The following ATP6V0D1 variants were observed in gnomAD, a reference collection of about 807,000 sequenced individuals.
ATP6V0D1 encodes the protein ATPase H+ transporting V0 subunit d1.
Under a neutral mutation model 39.0 loss-of-function variants are expected in ATP6V0D1, and 13 were observed. The observed-to-expected ratio is 0.33, with a 90% CI of 0.22 to 0.53. The LOEUF is 0.53. Among genes scored for constraint, ATP6V0D1 ranks in the 20% least tolerant of loss-of-function variants. ATP6V0D1 has a pLI of 0.94. For synonymous variants in ATP6V0D1, 191 were observed against 191.2 expected, an observed-to-expected ratio of 1.00 and a Z score of 0.01; for missense variants, 272 against 470.9, an observed-to-expected ratio of 0.58 and a Z score of 3.91.
chr16:67,461,646 A>G (rs2041290094), intron 1 of ATP6V0D1, among the ~76,000 whole-genome samples: 1 of 152,216 alleles, frequency 6.6e-6, no homozygotes. Context: ...AAAGACAGTA[A>G]GTTCTCCTTC....
At chr16:67,479,117 G>A (rs2041441211) in intron 1 of ATP6V0D1, among the ~76,000 whole-genome samples, 1 of 151,962 alleles carries the variant, frequency 6.6e-6, no homozygotes, top group Admixed American at 6.6e-5. Flanking sequence ...ATCCTAAAGT[G>A]CTCTCCTTCC....
At chr16:67,468,283 C>A (rs767224272) in intron 1 of ATP6V0D1, among the ~76,000 whole-genome samples, 2 of 151,970 alleles carry the variant, frequency 1.3e-5, no homozygotes, top group African/African-American at 4.8e-5. Context: ...CAGAGTGAGA[C>A]CCTGTCTTAA....
At chr16:67,443,235 G>T in intron 3 of ATP6V0D1, 57 bp from the exon 4 acceptor site, 1 of 1,559,180 alleles carries the variant, frequency 6.4e-7, no homozygotes, top group Non-Finnish European at 8.8e-7. Flanking sequence ...GAATCCTGAT[G>T]TTCAAATGCC....
At position 67,447,765 on chromosome 16, in the gene ATP6V0D1, C is replaced by CG. The variant is rs370389337; in HGVS notation, c.303-3060_303-3059insC. Among the ~76,000 whole-genome samples the CG allele has an allele frequency of 6.6e-6, 1 of 152,224 alleles. No individual in the cohort carries two copies. The highest frequency in any genetic ancestry group is 2.4e-5 in the African/African-American group (1 of 41,468). On this transcript the variant is annotated intron_variant, in intron 2 of 7. Coordinates refer to ENST00000290949, the MANE Select transcript of ATP6V0D1 (RefSeq NM_004691.5). The surrounding 1 kb of genome is among the most constrained non-coding windows in gnomAD (Gnocchi z 4.1). ...TCAGAGTCCCTAGCCAACTCTGCCC[C>CG]TCTGCTGCGCCCTTTGGTGCCACCT...
intron 7 of ATP6V0D1, 23 bp from the exon 8 acceptor site, chr16:67,438,712 T>C (rs1226971908): frequency 7.4e-6 from 12 of 1,614,056 alleles, no homozygotes; most frequent in Non-Finnish European, 1.0e-5. Flanking sequence ...GCAGATGTGG[T>C]GTCCAGGTGG....
At chr16:67,445,694 C>G in intron 2 of ATP6V0D1, 1 of 332,538 alleles carries the variant, frequency 3.0e-6, no homozygotes, top group Non-Finnish European at 6.0e-6. Flanking sequence ...ACATGGGCAG[C>G]AGAGGGGGCT....
rs572372770 is a variant in ATP6V0D1, at chr16:67,445,064, G to T, written c.303-358C>A. Reference sequence around the variant, plus strand: ...GTGAGACATGCAGCCCAGCCCAGGGGGTGAAGAGCGTGAGAGCCTGGGAAA... The same window carrying T: ...GTGAGACATGCAGCCCAGCCCAGGGTGTGAAGAGCGTGAGAGCCTGGGAAA... On this transcript the variant is annotated intron_variant, in intron 2 of 7. Transcript: ENST00000290949. Among the ~76,000 whole-genome samples, 6 of 152,356 alleles carry T rather than the reference G, an allele frequency of 3.9e-5. No homozygotes were observed. In the East Asian group the frequency reaches 1.2e-3, roughly 29 times the overall value.
chr16:67,438,834 G>A lies in ATP6V0D1; in HGVS notation c.853C>T (p.Pro285Ser). Residue 285 changes from proline (P) to serine (S), a missense_variant, in exon 7 of 8, where the codon CCT becomes TCT. Pro to Ser is a moderately conservative substitution (Grantham distance 74). Coordinates refer to ENST00000290949, the MANE Select transcript of ATP6V0D1 (RefSeq NM_004691.5). ...CGGTCCTCCAGCGTCTTGTCTCCAG[G>A]GTTGCTACCTGCACCCTCGAAGAGC... ...KLLFEGAGSN[P>S]GDKTLEDRFF... The A allele has an allele frequency of 6.2e-7, 1 of 1,613,754 alleles. No individual in the cohort carries two copies. Among genetic ancestry groups the A allele is most frequent in the Non-Finnish European group, 8.5e-7 (1 of 1,179,932 alleles).
intron 2 of ATP6V0D1, among the ~76,000 whole-genome samples, chr16:67,451,879 C>A (rs1296427665): frequency 6.6e-6 from 1 of 152,246 alleles, no homozygotes; most frequent in Non-Finnish European, 1.5e-5. Context: ...CAGGCTAAGA[C>A]CAAGACAGGC....
At chr16:67,476,921 T>C (rs2041419220) in intron 1 of ATP6V0D1, among the ~76,000 whole-genome samples, 2 of 151,240 alleles carry the variant, frequency 1.3e-5, no homozygotes, top group Admixed American at 1.3e-4. Flanking sequence ...TAATCCCATC[T>C]ACTTGGGAGA....
intron 1 of ATP6V0D1, among the ~76,000 whole-genome samples, chr16:67,478,636 G>T (rs1427780552): frequency 8.0e-6 from 1 of 125,778 alleles, no homozygotes; most frequent in East Asian, 2.5e-4. Flanking sequence ...AAAAAAGAAA[G>T]AAAGAAAGAA....
chr16:67,443,410 G>A, intron 3 of ATP6V0D1: 2 of 540,842 alleles, frequency 3.7e-6, no homozygotes, highest in Non-Finnish European at 6.7e-6. Context: ...TTATAAAGGA[G>A]GCAGCTAGCC....
chr16:67,457,510 C>G, intron 1 of ATP6V0D1: 2 of 1,189,276 alleles, frequency 1.7e-6, no homozygotes, highest in Non-Finnish European at 2.2e-6. Context: ...GTGGGAGAAG[C>G]CAGGGCATGC....
intron 1 of ATP6V0D1, among the ~76,000 whole-genome samples, chr16:67,462,970 T>C (rs1389622121): frequency 6.6e-6 from 1 of 151,880 alleles, no homozygotes; most frequent in African/African-American, 2.4e-5. Flanking sequence ...CGAAGGAAAG[T>C]TGGGGCTCAC....
At chr16:67,462,684 C>T (rs1438948207) in intron 1 of ATP6V0D1, among the ~76,000 whole-genome samples, 6 of 152,250 alleles carry the variant, frequency 3.9e-5, no homozygotes, top group African/African-American at 7.2e-5. Flanking sequence ...CAAAATGAGC[C>T]CAGCGCAGTG....
chr16:67,450,379 C>T (rs1300837033), intron 2 of ATP6V0D1, among the ~76,000 whole-genome samples: 2 of 152,226 alleles, frequency 1.3e-5, no homozygotes, highest in South Asian at 2.1e-4. Flanking sequence ...TGAGCCCCAG[C>T]CTGGGGGAGC....
intron 1 of ATP6V0D1, among the ~76,000 whole-genome samples, chr16:67,470,334 T>C (rs542012702): frequency 1.3e-5 from 2 of 152,212 alleles, no homozygotes; most frequent in Non-Finnish European, 2.9e-5. Flanking sequence ...AAAAATTATA[T>C]TTAGTCAAAA....
rs1463858373 is a variant in ATP6V0D1 at position 67,438,313 on chromosome 16, C to T, written c.*215G>A. 6.5e-6 allele frequency: 4 copies of T among 614,988 alleles called. No individual in the cohort carries two copies. The highest frequency in any genetic ancestry group is 1.1e-5 in the Non-Finnish European group (4 of 357,350). 38.1% of individuals were successfully genotyped at this position (614,988 alleles called of 1,614,324 possible). A position where few individuals can be genotyped will look rare whatever the true frequency, so the allele number is the denominator to read the frequency against. On this transcript the variant is annotated 3_prime_UTR_variant, in exon 8 of 8. Transcript: ENST00000290949. Reference sequence around the variant, plus strand: ...GCTCTGGAGGGGGTCTTCGTCCATCCTTGGTGGGGGGGGGTGCCCAGCCCC... The same window carrying T: ...GCTCTGGAGGGGGTCTTCGTCCATCTTTGGTGGGGGGGGGTGCCCAGCCCC...
At chr16:67,473,965 C>T (rs756359580) in intron 1 of ATP6V0D1, among the ~76,000 whole-genome samples, 7 of 152,094 alleles carry the variant, frequency 4.6e-5, no homozygotes, top group African/African-American at 1.2e-4. Flanking sequence ...AGTTTTAGGA[C>T]GTTTTTATCA....
Sources: allele counts gnomAD v4.1 joint callset (sites outside exome capture counted in the v4.1 genomes callset), GRCh38; gene constraint gnomAD v4.1.1; non-coding constraint Gnocchi (gnomAD v3.1); transcripts MANE v1.5; gene names NCBI Gene and HGNC (gene_info 2026-07-23, HGNC 2026-07-21).